The following SEMA6D variants were observed in gnomAD, a reference collection of about 807,000 sequenced individuals.
SEMA6D encodes semaphorin 6D.
A neutral mutation model predicts 106.6 loss-of-function variants in SEMA6D; 35 were observed. That is an observed-to-expected ratio of 0.33 (90% CI 0.25 to 0.44). SEMA6D has a LOEUF of 0.44. SEMA6D is among the 20% of genes least tolerant of loss of function. SEMA6D has a pLI of 1.00. For missense variants in SEMA6D, 1,185 were observed against 1,345.9 expected, an observed-to-expected ratio of 0.88 and a Z score of 1.87; for synonymous variants, 499 against 487.7, an observed-to-expected ratio of 1.02 and a Z score of -0.31.
At chr15:47,449,073 G>A (rs1316405474) in intron 2 of SEMA6D, among the ~76,000 whole-genome samples, 1 of 152,032 alleles carries the variant, frequency 6.6e-6, no homozygotes, top group East Asian at 1.9e-4. Context: ...AGACTTTGAT[G>A]AAGCAAGAAA....
chr15:47,595,448 T>C (rs1254531241), intron 3 of SEMA6D, among the ~76,000 whole-genome samples: 1 of 152,226 alleles, frequency 6.6e-6, no homozygotes, highest in Non-Finnish European at 1.5e-5. Flanking sequence ...TGAATCACAC[T>C]TTTAATATGC....
At chr15:47,383,571 G>A (rs281266) in intron 1 of SEMA6D, among the ~76,000 whole-genome samples, 109,772 of 152,082 alleles carry the variant, frequency 0.72, 42,537 homozygotes, top group Non-Finnish European at 0.86. Context: ...AGTAGTAGTA[G>A]TAATAATAAT....
At chr15:47,384,633 A>G (rs8040226) in intron 1 of SEMA6D, among the ~76,000 whole-genome samples, 33,422 of 152,060 alleles carry the variant, frequency 0.22, 3,952 homozygotes, top group Middle Eastern at 0.33. Context: ...AAACGCCTAC[A>G]CGCCTCATGC....
intron 1 of SEMA6D, among the ~76,000 whole-genome samples, chr15:47,333,343 G>T (rs1460622197): frequency 6.6e-6 from 1 of 152,054 alleles, no homozygotes; most frequent in Non-Finnish European, 1.5e-5. Flanking sequence ...AAAGAAAAAT[G>T]GGTTAAAAAC....
chr15:47,702,663 C>T (rs2078835784), intron 4 of SEMA6D, among the ~76,000 whole-genome samples: 1 of 152,026 alleles, frequency 6.6e-6, no homozygotes, highest in South Asian at 2.1e-4. Context: ...ACATTCGGAC[C>T]ATGGAATATT....
intron 1 of SEMA6D, among the ~76,000 whole-genome samples, chr15:47,239,461 C>A (rs1219820044): frequency 6.6e-6 from 1 of 152,128 alleles, no homozygotes; most frequent in Non-Finnish European, 1.5e-5. Context: ...CGAAACCAGT[C>A]CCTGGTGCCA....
At chr15:47,752,475 A>G (rs1463988299) in intron 1 of SEMA6D, among the ~76,000 whole-genome samples, 1 of 152,172 alleles carries the variant, frequency 6.6e-6, no homozygotes, top group Non-Finnish European at 1.5e-5. Flanking sequence ...AGTAGAGCAA[A>G]GTTTCTTTCA....
chr15:47,373,884 G>A lies in SEMA6D; in HGVS notation c.-238-38509G>A, dbSNP rs574601862. 3.3e-5 allele frequency among the ~76,000 whole-genome samples: 5 copies of A among 152,262 alleles called. No homozygotes were observed. In the East Asian group the frequency reaches 7.7e-4, roughly 24 times the overall value. ...AAAGCTAACCTTTTCGTTGGATAAAGGCAAGTAATTGGTTTCTCTCATTTC... is the reference window on the plus strand; with the variant it reads ...AAAGCTAACCTTTTCGTTGGATAAAAGCAAGTAATTGGTTTCTCTCATTTC... On this transcript the variant is annotated intron_variant, in intron 1 of 19. Transcript: ENST00000558014.
chr15:47,398,617 C>T (rs956103032), intron 1 of SEMA6D, among the ~76,000 whole-genome samples: 2 of 151,990 alleles, frequency 1.3e-5, no homozygotes, highest in South Asian at 2.1e-4. Flanking sequence ...GGGAGAGATT[C>T]GGTTTGGCAC....
At chr15:47,725,836 G>C (rs1014212286) in intron 1 of SEMA6D, among the ~76,000 whole-genome samples, 2 of 109,844 alleles carry the variant, frequency 1.8e-5, no homozygotes, top group Non-Finnish European at 4.7e-5. Flanking sequence ...TTGCTCCAGG[G>C]GTTCAATTTT....
chr15:47,638,193 A>G (rs574243451), intron 4 of SEMA6D, among the ~76,000 whole-genome samples: 1 of 152,260 alleles, frequency 6.6e-6, no homozygotes, highest in East Asian at 1.9e-4. Context: ...ACCTTCTTGA[A>G]AAATGGCCGT....
intron 2 of SEMA6D, among the ~76,000 whole-genome samples, chr15:47,465,773 T>C (rs1394056768): frequency 6.6e-6 from 1 of 152,154 alleles, no homozygotes; most frequent in African/African-American, 2.4e-5. Flanking sequence ...GCTTCCTGTA[T>C]AGACTGCAGA....
At chr15:47,502,525 C>T (rs2043887301) in intron 3 of SEMA6D, among the ~76,000 whole-genome samples, 1 of 152,000 alleles carries the variant, frequency 6.6e-6, no homozygotes, top group South Asian at 2.1e-4. Flanking sequence ...GCCTGAAGTG[C>T]AAATGGAAAA....
intron 1 of SEMA6D, chr15:47,730,701 C>T (rs1288759637): frequency 5.6e-6 from 9 of 1,607,254 alleles, no homozygotes; most frequent in Middle Eastern, 2.0e-4. Flanking sequence ...ACTGGTTAAT[C>T]GCAGGAGGCA....
At chr15:47,219,042 C>T (rs933118562) in intron 1 of SEMA6D, among the ~76,000 whole-genome samples, 1 of 152,212 alleles carries the variant, frequency 6.6e-6, no homozygotes, top group Non-Finnish European at 1.5e-5. Flanking sequence ...TTGGCATTGG[C>T]ATTGCAACAT....
At chr15:47,708,942 C>T (rs1211783504) in intron 4 of SEMA6D, among the ~76,000 whole-genome samples, 1 of 152,148 alleles carries the variant, frequency 6.6e-6, no homozygotes, top group Non-Finnish European at 1.5e-5. Context: ...TCTATAAGAA[C>T]CAAAATAAAA....
intron 13 of SEMA6D, 138 bp from the exon 14 acceptor site, chr15:47,765,728 AATT>A: frequency 6.6e-6 from 5 of 756,030 alleles, no homozygotes; most frequent in Non-Finnish European, 9.4e-6. Flanking sequence ...TGAATCACAT[AATT>A]ATTATTTCCC....
chr15:47,495,950 G>T (rs528691369), intron 3 of SEMA6D, among the ~76,000 whole-genome samples: 4 of 151,966 alleles, frequency 2.6e-5, no homozygotes, highest in Non-Finnish European at 4.4e-5. Flanking sequence ...ATTTAATGAG[G>T]TTGTTAAACT....
At position 47,700,395 on chromosome 15, in the gene SEMA6D, G is replaced by A. The variant is rs142035479; in HGVS notation, c.-54-59350G>A. On this transcript the variant is annotated intron_variant, in intron 4 of 19. Transcript: ENST00000558014. The stretch of plus-strand genomic sequence containing the variant: ...TTTTTAAAAAACAAAAATTTGCCAC[G>A]CATGATGGCACACACCTGTAGTCCT... 1.6e-3 allele frequency among the ~76,000 whole-genome samples: 246 copies of A among 152,202 alleles called. 1 individual carries two copies. The highest frequency in any genetic ancestry group is 2.8e-3 in the Non-Finnish European group (193 of 68,006).
Sources: allele counts gnomAD v4.1 joint callset (sites outside exome capture counted in the v4.1 genomes callset), GRCh38; gene constraint gnomAD v4.1.1; transcripts MANE v1.5; gene names NCBI Gene and HGNC (gene_info 2026-07-23, HGNC 2026-07-21).